PHF21B: variants seen among roughly 807,000 people sequenced by gnomAD.
PHF21B encodes the protein PHD finger protein 21B.
PHF21B carries 22 observed loss-of-function variants against 62.2 expected under a neutral mutation model. The ratio of observed to expected loss-of-function variants is 0.35; its 90% CI spans 0.25 to 0.51. The LOEUF (loss-of-function observed/expected upper bound fraction) is 0.51, where lower values mean the gene tolerates loss of function less well. Ranked by LOEUF, PHF21B falls within the 20% of genes least tolerant of loss-of-function variation. The probability of loss-of-function intolerance (pLI) is 0.97; values close to 1 mark genes in which losing one functional copy is unlikely to be tolerated. For synonymous variants in PHF21B, 341 were observed against 314.7 expected (o/e 1.08, Z -0.88); for missense variants, 701 against 707.9 (o/e 0.99, Z 0.11).
intron 3 of PHF21B, among the ~76,000 whole-genome samples, chr22:44,918,349 G>A (rs1457664936): frequency 6.6e-6 from 1 of 152,192 alleles, no homozygotes; most frequent in Non-Finnish European, 1.5e-5. Flanking sequence ...AGCAGACTCT[G>A]GGCATGGGCG....
At position 44,913,845 on chromosome 22, in the gene PHF21B, G is replaced by A. The variant is rs766745211; in HGVS notation, c.808C>T (p.Pro270Ser). 4 of 1,613,776 alleles carry A rather than the reference G, an allele frequency of 2.5e-6. No individual in the cohort carries two copies. The highest frequency in any genetic ancestry group is 3.4e-6 in the Non-Finnish European group (4 of 1,179,966). Residue 270 changes from proline to serine, a missense_variant, in exon 5 of 13, where the codon CCC becomes TCC. Coordinates refer to ENST00000313237, the MANE Select transcript of PHF21B (RefSeq NM_138415.5). ...ACCTCGGGGTTCTCCTGGGTCGGGG[G>A]CCGGTCTTCCTTCTTCTTTTTGGTG... is the stretch of plus-strand genomic sequence containing the variant. Reference protein sequence around the residue: ...QATKKKKEDRPPTQENPEKIA... With the variant: ...QATKKKKEDRSPTQENPEKIA...
At chr22:45,007,083 C>CGGGGGCGCGCGGCCGGGGGCGGG (rs1465305797) in intron 2 of PHF21B, among the ~76,000 whole-genome samples, 4 of 151,610 alleles carry the variant, frequency 2.6e-5, no homozygotes, top group Non-Finnish European at 2.9e-5. Flanking sequence ...CACTCCCGGA[C>CGGGGGCGCGCGGCCGGGGGCGGG]GGGGGCGCGC....
At chr22:44,946,594 AGATGGAT>A (rs1170150431) in intron 2 of PHF21B, among the ~76,000 whole-genome samples, 1 of 151,956 alleles carries the variant, frequency 6.6e-6, no homozygotes, top group Non-Finnish European at 1.5e-5. Context: ...ATGGACGGGT[AGATGGAT>A]GGACAGTGGT....
At chr22:44,899,588 C>A (rs2071121323) in intron 5 of PHF21B, among the ~76,000 whole-genome samples, 2 of 152,140 alleles carry the variant, frequency 1.3e-5, no homozygotes, top group South Asian at 4.1e-4. Flanking sequence ...CCACACCCAG[C>A]CTCTTCTTTT....
chr22:44,999,573 G>A (rs935513180), intron 2 of PHF21B, among the ~76,000 whole-genome samples: 3 of 152,178 alleles, frequency 2.0e-5, no homozygotes, highest in African/African-American at 7.2e-5. Flanking sequence ...TTACTAACTT[G>A]CTGGGGATTG....
chr22:44,954,624 C>T (rs1313502135), intron 2 of PHF21B, among the ~76,000 whole-genome samples: 1 of 152,270 alleles, frequency 6.6e-6, no homozygotes, highest in Non-Finnish European at 1.5e-5. Flanking sequence ...AACCATCTGG[C>T]CTCTCTTGAG....
intron 2 of PHF21B, among the ~76,000 whole-genome samples, chr22:45,005,755 G>A (rs1353986544): frequency 6.6e-5 from 10 of 152,154 alleles, no homozygotes; most frequent in Non-Finnish European, 1.5e-4. Flanking sequence ...TATATCCGAT[G>A]TTCCAGCACA....
At chr22:44,918,059 C>T (rs1482684651) in intron 3 of PHF21B, among the ~76,000 whole-genome samples, 12 of 152,234 alleles carry the variant, frequency 7.9e-5, no homozygotes, top group Non-Finnish European at 1.5e-4. Flanking sequence ...GAGGTCAGGG[C>T]CTTTGTCCCC....
chr22:44,884,973 A>C (rs186159385), intron 12 of PHF21B, among the ~76,000 whole-genome samples: 160 of 152,372 alleles, frequency 1.1e-3, no homozygotes, highest in South Asian at 1.4e-3. Context: ...TTCACTTTAC[A>C]CAAGAGGAAA....
chr22:44,964,148 C>T (rs940594400), intron 2 of PHF21B, among the ~76,000 whole-genome samples: 11 of 152,304 alleles, frequency 7.2e-5, no homozygotes, highest in South Asian at 6.2e-4. Flanking sequence ...AATATCTGTA[C>T]GTATGTGCTG....
chr22:44,907,011 C>G (rs1034421796), intron 5 of PHF21B, among the ~76,000 whole-genome samples: 5 of 152,214 alleles, frequency 3.3e-5, no homozygotes, highest in African/African-American at 9.6e-5. Flanking sequence ...TTCCACTGCC[C>G]ATCACCTTGA....
chr22:44,916,769 A>C, intron 3 of PHF21B, 139 bp from the exon 4 acceptor site: 1 of 811,026 alleles, frequency 1.2e-6, no homozygotes, highest in Admixed American at 2.5e-5. Flanking sequence ...TCACGGCCTC[A>C]CAGCAGGTGA....
At chr22:44,945,469 CA>C in intron 2 of PHF21B, among the ~76,000 whole-genome samples, 1 of 152,316 alleles carries the variant, frequency 6.6e-6, no homozygotes, top group East Asian at 1.9e-4. Flanking sequence ...GTGCTTTCTG[CA>C]GAATCACCTG....
intron 2 of PHF21B, among the ~76,000 whole-genome samples, chr22:44,948,217 G>A (rs1261498555): frequency 1.3e-5 from 2 of 152,206 alleles, no homozygotes; most frequent in Admixed American, 6.5e-5. Context: ...AATAGATAAT[G>A]AAATAATTAC....
chr22:44,932,638 TCTAA>T (rs1465810844), intron 2 of PHF21B, among the ~76,000 whole-genome samples: 4 of 152,208 alleles, frequency 2.6e-5, no homozygotes, highest in Admixed American at 1.3e-4. Context: ...CGGCCTGGGA[TCTAA>T]CTGAGGGTGC....
intron 2 of PHF21B, among the ~76,000 whole-genome samples, chr22:45,007,912 G>C (rs142063643): frequency 0.011 from 1,654 of 152,080 alleles, 13 homozygotes; most frequent in Non-Finnish European, 0.016. Flanking sequence ...GGGCCCGGAG[G>C]GGGGGGAGCG....
At chr22:44,938,719 T>C (rs1273732704) in intron 2 of PHF21B, among the ~76,000 whole-genome samples, 2 of 152,146 alleles carry the variant, frequency 1.3e-5, no homozygotes, top group East Asian at 1.9e-4. Flanking sequence ...TCAATATTCA[T>C]AGTTATGTCA....
At chr22:45,007,142 T>G (rs2073330642) in intron 2 of PHF21B, among the ~76,000 whole-genome samples, 1 of 148,178 alleles carries the variant, frequency 6.7e-6, no homozygotes, top group South Asian at 2.2e-4. Flanking sequence ...GTTAGCGCAT[T>G]TGTCCCAAGC....
intron 2 of PHF21B, among the ~76,000 whole-genome samples, chr22:45,005,736 C>T (rs2073303382): frequency 6.6e-6 from 1 of 152,132 alleles, no homozygotes; most frequent in African/African-American, 2.4e-5. Flanking sequence ...TTAATTGAAA[C>T]TTAACCTTTA....
Sources: allele counts gnomAD v4.1 joint callset (sites outside exome capture counted in the v4.1 genomes callset), GRCh38; gene constraint gnomAD v4.1.1; transcripts MANE v1.5; gene names NCBI Gene and HGNC (gene_info 2026-07-23, HGNC 2026-07-21).